CTNNBL1: variants seen among roughly 807,000 people sequenced by gnomAD.
The protein encoded by CTNNBL1 is catenin beta like 1.
A neutral mutation model predicts 72.7 loss-of-function variants in CTNNBL1; 31 were observed. The ratio of observed to expected loss-of-function variants is 0.43; its 90% CI spans 0.32 to 0.58. The LOEUF is 0.58. Ranked by LOEUF, CTNNBL1 falls within the 20% of genes least tolerant of loss-of-function variation. CTNNBL1 has a pLI of 0.08. For missense variants in CTNNBL1, 534 were observed against 725.1 expected (o/e 0.74, Z 3.03); for synonymous variants, 240 against 267.3 (o/e 0.90, Z 1.00).
chr20:37,801,940 A>C lies in CTNNBL1; in HGVS notation c.1032-927A>C, dbSNP rs554134165. 2.0e-5 allele frequency among the ~76,000 whole-genome samples: 3 copies of C among 152,386 alleles called. No individual in the cohort carries two copies. The South Asian group carries it at 6.2e-4, about 32-fold the overall frequency. On this transcript the variant is annotated intron_variant, in intron 10 of 15. Coordinates refer to ENST00000361383, the MANE Select transcript of CTNNBL1 (RefSeq NM_030877.5). ...TGTTTGCAGATAACATAGTTTATAT[A>C]GAAAATCCTAAGGAATCTACTAAAA...
chr20:37,728,749 TGTG>T (rs2073105805), intron 1 of CTNNBL1, among the ~76,000 whole-genome samples: 1 of 152,180 alleles, frequency 6.6e-6, no homozygotes, highest in Non-Finnish European at 1.5e-5. Context: ...TGGGAGCTGC[TGTG>T]TTGCTGAAGG....
At chr20:37,789,948 G>A (rs781477750) in intron 10 of CTNNBL1, among the ~76,000 whole-genome samples, 10 of 152,180 alleles carry the variant, frequency 6.6e-5, no homozygotes, top group Non-Finnish European at 1.3e-4. Context: ...GGGTTATGTA[G>A]CATAAATACA....
chr20:37,834,269 C>G (rs906026657), intron 11 of CTNNBL1, among the ~76,000 whole-genome samples: 2 of 145,518 alleles, frequency 1.4e-5, no homozygotes, highest in Admixed American at 1.4e-4. Flanking sequence ...AAAGAACATT[C>G]TCTTGCAACT....
At chr20:37,855,962 C>T (rs2072436648) in intron 13 of CTNNBL1, among the ~76,000 whole-genome samples, 1 of 152,140 alleles carries the variant, frequency 6.6e-6, no homozygotes, top group African/African-American at 2.4e-5. Flanking sequence ...AAGGGCTGGG[C>T]ACAGCGCCTC....
intron 1 of CTNNBL1, among the ~76,000 whole-genome samples, chr20:37,710,652 C>G (rs2072929252): frequency 5.3e-5 from 8 of 152,098 alleles, no homozygotes. Flanking sequence ...GAAACTACCA[C>G]TCACAAATAG....
rs531250797 is a variant in CTNNBL1 at position 37,777,221 on chromosome 20, C to T, written c.751-124C>T. 9 of 730,358 alleles carry T rather than the reference C, an allele frequency of 1.2e-5. No homozygotes were observed. The East Asian group carries it at 2.1e-4, about 17-fold the overall frequency. 45.2% of individuals were successfully genotyped at this position (730,358 alleles called of 1,614,324 possible). A position where few individuals can be genotyped will look rare whatever the true frequency, so the allele number is the denominator to read the frequency against. On this transcript the variant is annotated intron_variant, in intron 7 of 15. Coordinates refer to ENST00000361383, the MANE Select transcript of CTNNBL1 (RefSeq NM_030877.5). ...CAGAGGCAGACGTTTTTACCCTTAA[C>T]TGCCTTTTCCTTTTCTAACTTCTGC...
intron 10 of CTNNBL1, among the ~76,000 whole-genome samples, chr20:37,784,017 A>T (rs765166169): frequency 6.6e-6 from 1 of 152,126 alleles, no homozygotes; most frequent in Non-Finnish European, 1.5e-5. Flanking sequence ...TGCTTTATCT[A>T]TCTGGGTGCT....
Position 37,737,374 on chromosome 20 carries a change from C to G in CTNNBL1, c.220-4C>G. 2 of 1,607,342 alleles carry G rather than the reference C, an allele frequency of 1.2e-6. No homozygotes were observed. The highest frequency in any genetic ancestry group is 1.7e-6 in the Non-Finnish European group (2 of 1,174,588). ...AAGTTTTTGCATTTGTCTCTTTGTA[C>G]CAGGAGGAGCCATTGGATGAAAGCT... On this transcript the variant is annotated splice_polypyrimidine_tract_variant and splice_region_variant and intron_variant, in intron 2 of 15. Transcript: ENST00000361383.
chr20:37,754,956 TGCC>T (rs61563432), intron 4 of CTNNBL1, among the ~76,000 whole-genome samples: 1,612 of 152,166 alleles, frequency 0.011, 23 homozygotes, highest in African/African-American at 0.037. Flanking sequence ...TACAGGCATG[TGCC>T]ACCACACCTG....
intron 10 of CTNNBL1, among the ~76,000 whole-genome samples, chr20:37,781,822 CT>C (rs1200056180): frequency 6.6e-6 from 1 of 152,150 alleles, no homozygotes; most frequent in Non-Finnish European, 1.5e-5. Context: ...AAATATAGAT[CT>C]TTACTTTGAC....
At chr20:37,713,157 A>T (rs1373003634) in intron 1 of CTNNBL1, among the ~76,000 whole-genome samples, 1 of 152,142 alleles carries the variant, frequency 6.6e-6, no homozygotes, top group Admixed American at 6.6e-5. Context: ...CATTCCCACA[A>T]AACTTGCAAG....
At chr20:37,843,491 A>G (rs1033170895) in intron 13 of CTNNBL1, among the ~76,000 whole-genome samples, 1 of 152,194 alleles carries the variant, frequency 6.6e-6, no homozygotes, top group African/African-American at 2.4e-5. Flanking sequence ...GTGGGGAGAC[A>G]GTGACCTTGT....
intron 3 of CTNNBL1, among the ~76,000 whole-genome samples, chr20:37,744,288 A>G (rs561821025): frequency 6.6e-6 from 1 of 152,338 alleles, no homozygotes; most frequent in South Asian, 2.1e-4. Context: ...TTCATGCACT[A>G]TTGGTACTTT....
At chr20:37,788,289 A>G (rs903770452) in intron 10 of CTNNBL1, among the ~76,000 whole-genome samples, 3 of 152,166 alleles carry the variant, frequency 2.0e-5, no homozygotes, top group Admixed American at 1.3e-4. Flanking sequence ...CTTCCTCTGT[A>G]TCTCCAGTAT....
chr20:37,710,146 T>G (rs1600435862), intron 1 of CTNNBL1, among the ~76,000 whole-genome samples: 1 of 152,258 alleles, frequency 6.6e-6, no homozygotes, highest in South Asian at 2.1e-4. Context: ...TAGGACACAC[T>G]GTGATCTCAG....
intron 11 of CTNNBL1, among the ~76,000 whole-genome samples, chr20:37,826,973 C>T (rs1286708566): frequency 6.6e-6 from 1 of 152,216 alleles, no homozygotes; most frequent in Non-Finnish European, 1.5e-5. Context: ...CACCCCAGAG[C>T]ATTCTCTCAT....
chr20:37,815,921 G>T (rs982887201), intron 11 of CTNNBL1, among the ~76,000 whole-genome samples: 2 of 152,182 alleles, frequency 1.3e-5, no homozygotes, highest in African/African-American at 4.8e-5. Context: ...TACCTTCCTG[G>T]ACTCTTGTAA....
chr20:37,814,207 T>G (rs528666364), intron 11 of CTNNBL1, among the ~76,000 whole-genome samples: 3 of 152,324 alleles, frequency 2.0e-5, no homozygotes, highest in East Asian at 1.9e-4. Context: ...TTTGTTTTGG[T>G]TTTTTTAGAT....
intron 1 of CTNNBL1, among the ~76,000 whole-genome samples, chr20:37,696,527 T>C (rs1007797647): frequency 7.2e-6 from 1 of 139,398 alleles, no homozygotes; most frequent in African/African-American, 2.7e-5. Flanking sequence ...GACTGCAACC[T>C]CTGCCTCTTG....
Sources: allele counts gnomAD v4.1 joint callset (sites outside exome capture counted in the v4.1 genomes callset), GRCh38; gene constraint gnomAD v4.1.1; transcripts MANE v1.5; gene names NCBI Gene and HGNC (gene_info 2026-07-23, HGNC 2026-07-21).